The following HECTD4 variants were observed in gnomAD, a reference collection of about 807,000 sequenced individuals.
HECTD4 encodes probable E3 ubiquitin-protein ligase HECTD4.
HECTD4 carries 114 observed loss-of-function variants against 471.5 expected under a neutral mutation model. That is an observed-to-expected ratio of 0.24 (90% confidence interval 0.21 to 0.28). The LOEUF (loss-of-function observed/expected upper bound fraction) is 0.28, where lower values mean the gene tolerates loss of function less well. Ranked by LOEUF, HECTD4 falls within the 10% of genes least tolerant of loss-of-function variation. The pLI is 1.00. For synonymous variants in HECTD4, 2,012 were observed against 2,256.0 expected, an observed-to-expected ratio of 0.89 and a Z score of 3.07; for missense variants, 3,866 against 5,651.5, an observed-to-expected ratio of 0.68 and a Z score of 10.13.
Position 112,193,149 on chromosome 12 carries a change from C to T in HECTD4, c.8998G>A (p.Glu3000Lys). 6.2e-7 allele frequency: 1 copy of T among 1,613,920 alleles called. No homozygotes were observed. The highest frequency in any genetic ancestry group is 8.5e-7 in the Non-Finnish European group (1 of 1,179,872). ...QFPSEEFPIS[E>K]SKVNMDVNFP... The stretch of plus-strand genomic sequence containing the variant: ...TTCACGTCCATGTTGACTTTGGATT[C>T]GGAAATTGGGAACTCTTCGGAGGGG... Residue 3000 changes from glutamate to lysine, a missense_variant, in exon 58 of 76, where the codon GAA (glutamate) becomes AAA (lysine). By Grantham distance (56) the Glu-to-Lys change is moderately conservative. Around this residue, in one of 16 missense-constraint regions of HECTD4, gnomAD observed 364 missense variants for 413.2 expected, o/e 0.88. Coordinates refer to ENST00000682272, the MANE Select transcript of HECTD4 (RefSeq NM_001388303.1). The surrounding 1 kb of genome is among the most constrained non-coding windows in gnomAD (Gnocchi z 5.2).
chr12:112,241,224 G>A (rs2033636263), intron 32 of HECTD4, among the ~76,000 whole-genome samples: 1 of 152,070 alleles, frequency 6.6e-6, no homozygotes, highest in Non-Finnish European at 1.5e-5. Flanking sequence ...GAGGGAAAAG[G>A]AATAGTGCTG....
chr12:112,358,249 T>C (rs2036382065), intron 1 of HECTD4, among the ~76,000 whole-genome samples: 1 of 152,194 alleles, frequency 6.6e-6, no homozygotes, highest in African/African-American at 2.4e-5. Context: ...CACAAGTTTA[T>C]TTTTAGAGGA....
At chr12:112,299,138 C>T (rs917591057) in intron 7 of HECTD4, among the ~76,000 whole-genome samples, 3 of 152,150 alleles carry the variant, frequency 2.0e-5, no homozygotes, top group East Asian at 1.9e-4. Context: ...TCCATGTACC[C>T]ATGATTCAGA....
chr12:112,238,863 C>T (rs562881031), intron 34 of HECTD4, among the ~76,000 whole-genome samples, 189 bp downstream of exon 34: 4 of 152,162 alleles, frequency 2.6e-5, no homozygotes, highest in Non-Finnish European at 4.4e-5. Flanking sequence ...TCAGTCTCAT[C>T]GTAATGCTGT....
chr12:112,252,955 G>T (rs1222568472), intron 22 of HECTD4, among the ~76,000 whole-genome samples: 1 of 151,898 alleles, frequency 6.6e-6, no homozygotes, highest in Non-Finnish European at 1.5e-5. Flanking sequence ...AACTACAAGT[G>T]TGCAGAACCA....
At chr12:112,307,544 A>C (rs1377640339) in intron 6 of HECTD4, among the ~76,000 whole-genome samples, 1 of 152,224 alleles carries the variant, frequency 6.6e-6, no homozygotes, top group African/African-American at 2.4e-5. Context: ...AATGAGTATG[A>C]GACATTCTCA....
Position 112,248,421 on chromosome 12 carries a change from T to C in HECTD4, c.4042A>G (p.Asn1348Asp). 1 of 1,611,874 alleles carries C rather than the reference T, an allele frequency of 6.2e-7. No individual in the cohort carries two copies. Among genetic ancestry groups the C allele is most frequent in the Non-Finnish European group, 8.5e-7 (1 of 1,178,404 alleles). ...GCATGTTCTTCTTGATATTGGAAAT[T>C]TATTAGAGACTGCAGTGCATCAACC... Reference protein sequence around the residue: ...NLVDALQSLINFQYQEEHAEE... With the variant: ...NLVDALQSLIDFQYQEEHAEE... Residue 1348 changes from asparagine to aspartate, a missense_variant, in exon 26 of 76, where the codon AAT (asparagine) becomes GAT (aspartate). Transcript: ENST00000682272.
At chr12:112,203,442 C>T in intron 54 of HECTD4, 194 bp downstream of exon 54, 1 of 483,292 alleles carries the variant, frequency 2.1e-6, no homozygotes, top group East Asian at 3.6e-5. Context: ...CCATCTACTG[C>T]CAGCCCTGAT....
At chr12:112,358,168 C>T (rs560213006) in intron 1 of HECTD4, among the ~76,000 whole-genome samples, 1 of 152,238 alleles carries the variant, frequency 6.6e-6, no homozygotes, top group South Asian at 2.1e-4. Flanking sequence ...CACGCCACTG[C>T]ACTTCAGCCT....
chr12:112,349,110 A>C (rs1328240466), intron 1 of HECTD4, among the ~76,000 whole-genome samples: 2 of 152,202 alleles, frequency 1.3e-5, no homozygotes, highest in Non-Finnish European at 2.9e-5. Flanking sequence ...ATGCATAAAG[A>C]GGCCAGGTGC....
At chr12:112,311,961 A>C (rs2035382123) in intron 4 of HECTD4, among the ~76,000 whole-genome samples, 1 of 152,202 alleles carries the variant, frequency 6.6e-6, no homozygotes, top group Admixed American at 6.5e-5. Context: ...CTTCTTCTCC[A>C]CACACTCTCA....
chr12:112,370,099 A>G (rs1438373835), intron 1 of HECTD4, among the ~76,000 whole-genome samples: 1 of 152,140 alleles, frequency 6.6e-6, no homozygotes, highest in Non-Finnish European at 1.5e-5. Flanking sequence ...TATAAAAGGG[A>G]TGTGGGAAGA....
At chr12:112,272,994 T>G (rs2034449960) in intron 11 of HECTD4, among the ~76,000 whole-genome samples, 3 of 152,214 alleles carry the variant, frequency 2.0e-5, no homozygotes, top group Admixed American at 2.0e-4. Flanking sequence ...TAGGAGCAGT[T>G]CTAGCTAAGA....
At position 112,184,912 on chromosome 12, in the gene HECTD4, G is replaced by A. The variant is rs766464145; in HGVS notation, c.10054C>T (p.Leu3352=). Residue 3352 remains leucine (L), a synonymous_variant, in exon 61 of 76, where the codon CTG becomes TTG. Transcript: ENST00000682272. This position sits in a 1 kb window ranked among gnomAD's most constrained non-coding sequence, Gnocchi z 9.1. ...AGGGTGAGTGCGCGGTGGAACCACA[G>A]CATGTCCTCGGGCTTGCTGCCTCCG... ...SIGGSKPEDM[L]WFHRALTLLI... The A allele has an allele frequency of 6.9e-5, 111 of 1,613,614 alleles. 1 individual carries two copies. The South Asian group carries it at 1.2e-3, about 17-fold the overall frequency.
At chr12:112,315,831 G>A (rs2035467094) in intron 2 of HECTD4, among the ~76,000 whole-genome samples, 2 of 148,842 alleles carry the variant, frequency 1.3e-5, no homozygotes, top group Admixed American at 6.8e-5. Flanking sequence ...AGGAGTTCAA[G>A]GTTGCAGTGA....
In HECTD4 at chr12:112,179,686, G is replaced by A. The variant is rs373496486; in HGVS notation, c.10988-289C>T. 6.6e-6 allele frequency among the ~76,000 whole-genome samples: 1 copy of A among 152,174 alleles called. No individual in the cohort carries two copies. The highest frequency in any genetic ancestry group is 1.9e-4 in the East Asian group (1 of 5,182). Reference sequence around the variant, plus strand: ...GGCCCCTACCTGGTTGCTCGGGGACGACAGGCCCCTCCCCGAGGGTGGGCA... The same window carrying A: ...GGCCCCTACCTGGTTGCTCGGGGACAACAGGCCCCTCCCCGAGGGTGGGCA... On this transcript the variant is annotated intron_variant, in intron 62 of 75. Coordinates refer to ENST00000682272, the MANE Select transcript of HECTD4 (RefSeq NM_001388303.1). The surrounding 1 kb of genome is among the most constrained non-coding windows in gnomAD (Gnocchi z 4.3).
In HECTD4 at chr12:112,171,271, C is replaced by T. The variant is rs763977947; in HGVS notation, c.11786-8G>A. The T allele has an allele frequency of 3.8e-5, 60 of 1,595,302 alleles. No homozygotes were observed. The highest frequency in any genetic ancestry group is 4.4e-5 in the Non-Finnish European group (52 of 1,171,738). ...GGCTCTCGATGGGCACGTCTGAGGG[C>T]GCAGGAGCAGTCAGGCTGAGATCTC... is the stretch of plus-strand genomic sequence containing the variant. On this transcript the variant is annotated splice_polypyrimidine_tract_variant and splice_region_variant and intron_variant, in intron 67 of 75. Coordinates refer to ENST00000682272, the MANE Select transcript of HECTD4 (RefSeq NM_001388303.1).
intron 49 of HECTD4, 83 bp from the exon 50 acceptor site, chr12:112,210,335 A>C: frequency 1.4e-6 from 2 of 1,417,788 alleles, no homozygotes; most frequent in Non-Finnish European, 2.0e-6. Flanking sequence ...AGCTCACTAA[A>C]CGTCACCTTG....
In HECTD4 at chr12:112,337,546, C is replaced by T. The variant is rs80112099; in HGVS notation, c.178-17804G>A. 1.0e-3 allele frequency among the ~76,000 whole-genome samples: 152 copies of T among 152,184 alleles called. 2 individuals are homozygous for T. The East Asian group carries it at 0.025, about 25-fold the overall frequency. ...AGAAACAAAAGAGTATGACAATTCACGTAATGAGTACCAACAAATCACTGG... is the reference window on the plus strand; with the variant it reads ...AGAAACAAAAGAGTATGACAATTCATGTAATGAGTACCAACAAATCACTGG... On this transcript the variant is annotated intron_variant, in intron 1 of 75. Coordinates refer to ENST00000682272, the MANE Select transcript of HECTD4 (RefSeq NM_001388303.1).
Sources: gnomAD v4.1 joint callset for allele counts (sites outside exome capture counted in the v4.1 genomes callset) on GRCh38, gnomAD v4.1.1 for gene constraint, gnomAD v4.1.1 regional missense constraint, Gnocchi (gnomAD v3.1) non-coding constraint, MANE v1.5 for transcripts, NCBI Gene and HGNC (gene_info 2026-07-23, HGNC 2026-07-21) for gene names.